Variants in THSD7A observed in about 807,000 individuals in gnomAD.
The protein encoded by THSD7A is thrombospondin type-1 domain-containing protein 7A.
In THSD7A, 96 loss-of-function variants were observed where a neutral mutation model predicts 231.3. The ratio of observed to expected loss-of-function variants is 0.41; its 90% CI spans 0.35 to 0.49. The LOEUF (loss-of-function observed/expected upper bound fraction) is 0.49. THSD7A is among the 20% of genes least tolerant of loss of function. The probability of loss-of-function intolerance (pLI) is 0.05; values close to 1 mark genes in which losing one functional copy is unlikely to be tolerated. For missense variants in THSD7A, 2,290 were observed against 2,070.2 expected (o/e 1.11, Z -2.06); for synonymous variants, 940 against 743.3 (o/e 1.26, Z -4.30).
rs1480880615 is a variant in THSD7A, at chr7:11,527,286, G to C, written c.1822+14133C>G. 2.6e-5 allele frequency among the ~76,000 whole-genome samples: 4 copies of C among 152,150 alleles called. No individual in the cohort carries two copies. The East Asian group carries it at 5.8e-4, about 22-fold the overall frequency. ...TGTGACAACATGTCATTTCTATCATGATCTCAGCAGCTATGATTTCTAGCA... is the reference window on the plus strand; with the variant it reads ...TGTGACAACATGTCATTTCTATCATCATCTCAGCAGCTATGATTTCTAGCA... On this transcript the variant is annotated intron_variant, in intron 6 of 27. Transcript: ENST00000423059.
intron 6 of THSD7A, among the ~76,000 whole-genome samples, chr7:11,527,392 T>A (rs534496396): frequency 2.5e-4 from 38 of 151,680 alleles, no homozygotes; most frequent in Admixed American, 8.5e-4. Context: ...GGCCAAAATA[T>A]ATATATATAT....
At chr7:11,623,903 T>A (rs1781396470) in intron 2 of THSD7A, among the ~76,000 whole-genome samples, 1 of 152,138 alleles carries the variant, frequency 6.6e-6, no homozygotes, top group African/African-American at 2.4e-5. Flanking sequence ...GGACTCCAAA[T>A]AAAATGACCA....
At chr7:11,723,465 T>G (rs1317010941) in intron 1 of THSD7A, among the ~76,000 whole-genome samples, 3 of 151,594 alleles carry the variant, frequency 2.0e-5, no homozygotes, top group African/African-American at 7.3e-5. Context: ...CCCTAAAACT[T>G]AAAGTATAAT....
chr7:11,392,236 C>T (rs1055694301), intron 23 of THSD7A, among the ~76,000 whole-genome samples: 1 of 151,938 alleles, frequency 6.6e-6, no homozygotes, highest in African/African-American at 2.4e-5. Flanking sequence ...AAGTGCAGCC[C>T]ATGGAGGGTG....
At chr7:11,815,187 T>G (rs1784646316) in intron 1 of THSD7A, among the ~76,000 whole-genome samples, 1 of 151,962 alleles carries the variant, frequency 6.6e-6, no homozygotes. Context: ...TGTCAATCAA[T>G]GCCCCATAGT....
chr7:11,379,655 C>A lies in THSD7A; in HGVS notation c.4565G>T (p.Ser1522Ile). The change falls in exon 25 of 28, where the codon AGT (serine) becomes ATT (isoleucine). Residue 1522 changes from serine (S) to isoleucine (I), a missense_variant. By Grantham distance (142) the Ser-to-Ile change is moderately radical (BLOSUM62 -2). Transcript: ENST00000423059. ...CTCGCTACAGTACGAGTGGGGTTGA[C>A]TACACGGTGGGTTACAAGACCTGTC... is the stretch of plus-strand genomic sequence containing the variant. ...DADRSCNPPC[S>I]QPHSYCSETK... is the part of the protein sequence containing the mutation. 1 of 1,590,444 alleles carries A rather than the reference C, an allele frequency of 6.3e-7. No homozygotes were observed. The highest frequency in any genetic ancestry group is 8.6e-7 in the Non-Finnish European group (1 of 1,167,708).
intron 2 of THSD7A, among the ~76,000 whole-genome samples, chr7:11,614,562 A>G (rs1301729816): frequency 6.6e-6 from 1 of 152,228 alleles, no homozygotes; most frequent in East Asian, 1.9e-4. Context: ...TCACTTCCCA[A>G]GATAAAGAAT....
At chr7:11,513,939 G>GCACA (rs34548445) in intron 6 of THSD7A, among the ~76,000 whole-genome samples, 238 of 149,732 alleles carry the variant, frequency 1.6e-3, no homozygotes, top group African/African-American at 5.4e-3. Flanking sequence ...ACGCATAGGT[G>GCACA]CACACACACA....
chr7:11,647,490 C>G (rs1319960884), intron 1 of THSD7A, among the ~76,000 whole-genome samples: 2 of 152,078 alleles, frequency 1.3e-5, no homozygotes, highest in Non-Finnish European at 2.9e-5. Flanking sequence ...ATAGGCAATA[C>G]TACTACTCAA....
At chr7:11,678,935 T>C (rs116471729) in intron 1 of THSD7A, among the ~76,000 whole-genome samples, 2,538 of 152,290 alleles carry the variant, frequency 0.017, 73 homozygotes, top group African/African-American at 0.059. Flanking sequence ...TGAACATCAG[T>C]GCAAAACTCC....
intron 8 of THSD7A, among the ~76,000 whole-genome samples, chr7:11,472,477 T>C (rs1180488827): frequency 6.6e-6 from 1 of 152,164 alleles, no homozygotes; most frequent in East Asian, 1.9e-4. Flanking sequence ...AAGGCAATAA[T>C]ATTTTCTTTT....
intron 1 of THSD7A, among the ~76,000 whole-genome samples, chr7:11,690,827 G>A (rs1312672142): frequency 1.3e-5 from 2 of 151,618 alleles, no homozygotes; most frequent in Non-Finnish European, 3.0e-5. Context: ...AGGATATTTG[G>A]ATCATGCTTC....
chr7:11,545,077 A>G (rs918573287), intron 4 of THSD7A, among the ~76,000 whole-genome samples: 7 of 152,214 alleles, frequency 4.6e-5, no homozygotes, highest in African/African-American at 1.7e-4. Flanking sequence ...TACACATTTC[A>G]TATAAAAATG....
Position 11,677,033 on chromosome 7 carries a change from C to A in THSD7A, c.191-40072G>T, listed in dbSNP as rs1390841031. On this transcript the variant is annotated intron_variant, in intron 1 of 27. Transcript: ENST00000423059. ...AGTGAGAGAAAAACGTTGGGTTACCCACAAAAGGAAGCCCATCAGACTAAC... is the reference window on the plus strand; with the variant it reads ...AGTGAGAGAAAAACGTTGGGTTACCAACAAAAGGAAGCCCATCAGACTAAC... 2.6e-5 allele frequency among the ~76,000 whole-genome samples: 4 copies of A among 152,218 alleles called. 1 individual carries two copies. In the South Asian group the frequency reaches 6.2e-4, roughly 24 times the overall value.
chr7:11,631,200 C>G (rs898773747), intron 2 of THSD7A, among the ~76,000 whole-genome samples: 3 of 152,026 alleles, frequency 2.0e-5, no homozygotes, highest in African/African-American at 7.3e-5. Context: ...AGAGGAGTCT[C>G]TTTCATGCTT....
rs1051274009 is a variant in THSD7A, at chr7:11,831,356, A to T, written c.190+401T>A. Among the ~76,000 whole-genome samples, 1 of 152,204 alleles carries T rather than the reference A, an allele frequency of 6.6e-6. No homozygotes were observed. The highest frequency in any genetic ancestry group is 1.5e-5 in the Non-Finnish European group (1 of 68,032). On this transcript the variant is annotated intron_variant, in intron 1 of 27. Transcript: ENST00000423059. This position sits in a 1 kb window ranked among gnomAD's most constrained non-coding sequence, Gnocchi z 5.0. ...TTAACAAATTCAACTCTATATCCAC[A>T]AATGTCATGACAGTGAGCATATTGC...
chr7:11,397,533 A>G (rs1438458679), intron 23 of THSD7A, among the ~76,000 whole-genome samples: 6 of 152,224 alleles, frequency 3.9e-5, no homozygotes, highest in South Asian at 2.1e-4. Context: ...ACCAAAAGCA[A>G]TGGCCACAAA....
intron 1 of THSD7A, among the ~76,000 whole-genome samples, chr7:11,700,181 T>A (rs535897110): frequency 9.9e-5 from 15 of 151,376 alleles, no homozygotes; most frequent in Middle Eastern, 6.8e-3. Context: ...TGGACTTTTA[T>A]GGCTGAAGAT....
chr7:11,379,341 C>G, intron 25 of THSD7A, 61 bp from the exon 26 acceptor site: 1 of 1,544,320 alleles, frequency 6.5e-7, no homozygotes, highest in Non-Finnish European at 8.9e-7. Context: ...GTCTAACAGA[C>G]CTGACTTGAA....
Sources: allele counts gnomAD v4.1 joint callset (sites outside exome capture counted in the v4.1 genomes callset), GRCh38; gene constraint gnomAD v4.1.1; non-coding constraint Gnocchi (gnomAD v3.1); transcripts MANE v1.5; gene names NCBI Gene and HGNC (gene_info 2026-07-23, HGNC 2026-07-21).